The following REEP5 variants were observed in gnomAD, a reference collection of about 807,000 sequenced individuals.
The protein encoded by REEP5 is receptor accessory protein 5.
REEP5 carries 24 observed loss-of-function variants against 22.4 expected under a neutral mutation model. The ratio of observed to expected loss-of-function variants is 1.07; its 90% CI spans 0.78 to 1.51. The LOEUF is 1.51. REEP5 is among the 40% of genes most tolerant of loss of function. REEP5 has a pLI of 0.00. For synonymous variants in REEP5, 103 were observed against 88.6 expected (o/e 1.16, Z -0.92); for missense variants, 252 against 233.0 (o/e 1.08, Z -0.53).
chr5:112,894,267 A>C (rs1002141815), intron 3 of REEP5: 1 of 152,040 alleles, frequency 6.6e-6, no homozygotes, highest in Non-Finnish European at 1.5e-5. Flanking sequence ...CTACAGGCGC[A>C]TGCCACCGTG....
At chr5:112,908,625 A>G (rs1346353205) in intron 2 of REEP5, among the ~76,000 whole-genome samples, 1 of 152,000 alleles carries the variant, frequency 6.6e-6, no homozygotes, top group Non-Finnish European at 1.5e-5. Context: ...TCCCGGGTTC[A>G]TGCCATTCTC....
chr5:112,902,223 T>C (rs1008958894), intron 3 of REEP5, among the ~76,000 whole-genome samples, 157 bp downstream of exon 3: 1 of 149,428 alleles, frequency 6.7e-6, no homozygotes, highest in Non-Finnish European at 1.5e-5. Flanking sequence ...TTTTTGTTTT[T>C]GTTTTTTTTG....
chr5:112,878,453 G>C lies in REEP5; in HGVS notation c.*333C>G. 1 of 265,848 alleles carries C rather than the reference G, an allele frequency of 3.8e-6. No individual in the cohort carries two copies. The allele number at this position is 265,848 out of a possible 1,614,324, so 16.5% of individuals were successfully genotyped here. On this transcript the variant is annotated 3_prime_UTR_variant, in exon 5 of 5. Coordinates refer to ENST00000379638, the MANE Select transcript of REEP5 (RefSeq NM_005669.5). ...GTAACTACAGAGAAAATGCGTGCAGGGAGAGCCCAGTAAAGTACACAGCCT... is the reference window on the plus strand; with the variant it reads ...GTAACTACAGAGAAAATGCGTGCAGCGAGAGCCCAGTAAAGTACACAGCCT...
intron 2 of REEP5, among the ~76,000 whole-genome samples, chr5:112,909,703 A>G (rs1407861494): frequency 6.6e-6 from 1 of 152,168 alleles, no homozygotes; most frequent in East Asian, 1.9e-4. Context: ...TCCCTCATCC[A>G]GTACACTGGG....
intron 3 of REEP5, chr5:112,894,892 T>C (rs978526337): frequency 1.3e-5 from 2 of 152,172 alleles, no homozygotes; most frequent in Admixed American, 6.5e-5. Context: ...CAGATGTCCA[T>C]ATTAAAACCA....
intron 2 of REEP5, among the ~76,000 whole-genome samples, chr5:112,905,618 AGATTGATTGATT>A (rs143762090): frequency 6.7e-6 from 1 of 148,258 alleles, no homozygotes; most frequent in Non-Finnish European, 1.5e-5. Flanking sequence ...CTTTTTAAAA[AGATTGATTGATT>A]GATTGATTGA....
At chr5:112,888,551 C>T (rs1038066488) in intron 3 of REEP5, among the ~76,000 whole-genome samples, 1 of 150,612 alleles carries the variant, frequency 6.6e-6, no homozygotes, top group African/African-American at 2.5e-5. Flanking sequence ...TCCCAAGTAG[C>T]TGGGAATGAC....
chr5:112,908,771 T>C (rs1002609338), intron 2 of REEP5, among the ~76,000 whole-genome samples: 1 of 151,870 alleles, frequency 6.6e-6, no homozygotes, highest in African/African-American at 2.4e-5. Flanking sequence ...TAGCCAGGAT[T>C]GTCTCGATCT....
intron 4 of REEP5, among the ~76,000 whole-genome samples, chr5:112,880,333 CTA>C (rs1292733178): frequency 1.3e-5 from 2 of 152,162 alleles, no homozygotes; most frequent in African/African-American, 4.8e-5. Context: ...AGGGAATGTG[CTA>C]TGAGAACCAG....
At chr5:112,917,214 G>A (rs544837273) in intron 2 of REEP5, among the ~76,000 whole-genome samples, 18 of 152,148 alleles carry the variant, frequency 1.2e-4, no homozygotes, top group Non-Finnish European at 2.4e-4. Flanking sequence ...ATCATGCCCC[G>A]CCCCCTAAAC....
chr5:112,885,140 G>C (rs1038814382), intron 4 of REEP5: 1 of 166,822 alleles, frequency 6.0e-6, no homozygotes. Flanking sequence ...CTACAGCCTT[G>C]GCCAGCTAGG....
intron 2 of REEP5, among the ~76,000 whole-genome samples, chr5:112,902,889 G>A (rs796527991): frequency 2.0e-5 from 3 of 152,290 alleles, no homozygotes; most frequent in African/African-American, 7.2e-5. Context: ...GAATTCTCTC[G>A]TGATAACCAG....
intron 3 of REEP5, chr5:112,895,649 T>C (rs1313346691): frequency 6.6e-6 from 1 of 152,216 alleles, no homozygotes. Flanking sequence ...ATTTTCCTGT[T>C]CTGAAATGAA....
chr5:112,921,590 G>A, intron 1 of REEP5: 1 of 362,232 alleles, frequency 2.8e-6, no homozygotes, highest in Non-Finnish European at 5.2e-6. Flanking sequence ...TCCAGCCTGG[G>A]AAGCTGCGCT....
intron 3 of REEP5, among the ~76,000 whole-genome samples, chr5:112,889,084 A>G (rs570104482): frequency 1.3e-5 from 2 of 150,962 alleles, no homozygotes; most frequent in African/African-American, 2.5e-5. Context: ...ATCTTCCACC[A>G]TGATTGTGAG....
chr5:112,891,213 C>T (rs1476244145), intron 3 of REEP5, among the ~76,000 whole-genome samples: 2 of 152,090 alleles, frequency 1.3e-5, no homozygotes, highest in Non-Finnish European at 2.9e-5. Context: ...GCTGGGATTA[C>T]AGGCACGTGC....
In REEP5 at chr5:112,902,478, G is replaced by T; in HGVS notation, c.253C>A (p.Gln85Lys). The change falls in exon 3 of 5, where the codon CAG becomes AAG. Residue 85 changes from glutamine (Q) to lysine (K), a missense_variant. By Grantham distance (53) the Gln-to-Lys change is moderately conservative. Transcript: ENST00000379638. ...IESPNKEDDTQWLTYWVVYGV... is the reference protein window; with the variant it reads ...IESPNKEDDTKWLTYWVVYGV... The stretch of plus-strand genomic sequence containing the variant: ...TACACTACCCAGTAGGTCAGCCACT[G>T]GGTATCATCTTCTTTGTTGGGACTC... 6.2e-7 allele frequency: 1 copy of T among 1,610,834 alleles called. No homozygotes were observed. The highest frequency in any genetic ancestry group is 8.5e-7 in the Non-Finnish European group (1 of 1,179,006).
intron 2 of REEP5, among the ~76,000 whole-genome samples, chr5:112,917,030 T>C (rs538619045): frequency 1.3e-5 from 2 of 152,312 alleles, no homozygotes; most frequent in African/African-American, 2.4e-5. Context: ...AAGTTTAAAA[T>C]GGGCTTGTGA....
At chr5:112,921,772 G>A (rs1769376757) in intron 1 of REEP5, 3 of 289,286 alleles carry the variant, frequency 1.0e-5, no homozygotes, top group Non-Finnish European at 1.9e-5. Flanking sequence ...CCACCGCGCA[G>A]GACAGCAGGA....
Sources: gnomAD v4.1 joint callset for allele counts (sites outside exome capture counted in the v4.1 genomes callset) on GRCh38, gnomAD v4.1.1 for gene constraint, MANE v1.5 for transcripts, NCBI Gene and HGNC (gene_info 2026-07-23, HGNC 2026-07-21) for gene names.